The following ADGRE3 variants were observed in gnomAD, a reference collection of about 807,000 sequenced individuals.
The protein encoded by ADGRE3 is adhesion G protein-coupled receptor E3.
A neutral mutation model predicts 80.1 loss-of-function variants in ADGRE3; 88 were observed. The observed-to-expected ratio is 1.10, with a 90% CI of 0.93 to 1.31. The LOEUF (loss-of-function observed/expected upper bound fraction) is 1.31, where lower values mean the gene tolerates loss of function less well. Ranked by LOEUF, ADGRE3 falls within the 40% of genes most tolerant of loss-of-function variation. The pLI is 0.00. For missense variants in ADGRE3, 715 were observed against 776.5 expected, an observed-to-expected ratio of 0.92 and a Z score of 0.94; for synonymous variants, 281 against 294.8, an observed-to-expected ratio of 0.95 and a Z score of 0.48.
chr19:14,651,038 T>A (rs1343704813), intron 7 of ADGRE3, 47 bp downstream of exon 7: 2 of 1,607,720 alleles, frequency 1.2e-6, no homozygotes, highest in South Asian at 2.2e-5. Context: ...ACTCACACAA[T>A]GACATGGCTC....
intron 9 of ADGRE3, 72 bp downstream of exon 9, chr19:14,644,036 T>TA: frequency 1.2e-6 from 1 of 852,718 alleles, no homozygotes; most frequent in Non-Finnish European, 1.6e-6. Flanking sequence ...TTTTTTTTTT[T>TA]AATAGCACTT....
At chr19:14,663,653 A>G (rs1382875414) in intron 2 of ADGRE3, 113 bp from the exon 3 acceptor site, 4 of 1,271,294 alleles carry the variant, frequency 3.1e-6, no homozygotes, top group Non-Finnish European at 4.3e-6. Flanking sequence ...AGCCTGGCCA[A>G]CATACTGAAA....
intron 7 of ADGRE3, among the ~76,000 whole-genome samples, chr19:14,648,087 CAA>C (rs60371636): frequency 6.5e-5 from 7 of 108,350 alleles, no homozygotes; most frequent in Non-Finnish European, 5.4e-5. Flanking sequence ...ATCTCAAAGA[CAA>C]AAAAAAAAAA....
downstream of ADGRE3, among the ~76,000 whole-genome samples, chr19:14,618,173 A>G (rs895038092): frequency 6.6e-6 from 1 of 152,048 alleles, no homozygotes; most frequent in Non-Finnish European, 1.5e-5. Flanking sequence ...TTTGAAATAT[A>G]TCTACATCGT....
intron 15 of ADGRE3, among the ~76,000 whole-genome samples, chr19:14,625,061 C>T (rs1212132801): frequency 3.3e-5 from 5 of 152,134 alleles, no homozygotes; most frequent in African/African-American, 1.2e-4. Context: ...CTCACTGCAA[C>T]CTCCGCCTCT....
chr19:14,656,957 G>A lies in ADGRE3; in HGVS notation c.393+1556C>T, dbSNP rs189084317. Among the ~76,000 whole-genome samples, 6 of 152,136 alleles carry A rather than the reference G, an allele frequency of 3.9e-5. No individual in the cohort carries two copies. In the East Asian group the frequency reaches 5.8e-4, roughly 15 times the overall value. ...GTTGCCCAGGCTGGAGTGCAGTGAC[G>A]TGATCTCAGCTCACTGCAACCTCTG... On this transcript the variant is annotated intron_variant, in intron 5 of 15. Transcript: ENST00000253673.
intron 9 of ADGRE3, among the ~76,000 whole-genome samples, chr19:14,642,206 T>C (rs1388240914): frequency 6.6e-6 from 1 of 152,232 alleles, no homozygotes; most frequent in African/African-American, 2.4e-5. Flanking sequence ...CTGTGTATTT[T>C]ACCACAATCT....
chr19:14,666,807 C>T (rs1264284178), intron 2 of ADGRE3, among the ~76,000 whole-genome samples: 1 of 152,158 alleles, frequency 6.6e-6, no homozygotes, highest in East Asian at 1.9e-4. Flanking sequence ...TCTTTCCTAT[C>T]TCTTCCCTTC....
intron 9 of ADGRE3, among the ~76,000 whole-genome samples, chr19:14,642,951 C>T (rs975042639): frequency 2.6e-5 from 4 of 152,196 alleles, no homozygotes; most frequent in African/African-American, 9.6e-5. Context: ...TACCCAGTAA[C>T]AGGATTGCTG....
chr19:14,669,271 TGGA>T (rs1972188045), intron 1 of ADGRE3, among the ~76,000 whole-genome samples: 1 of 152,142 alleles, frequency 6.6e-6, no homozygotes. Context: ...GCAACATGGA[TGGA>T]GCTGGAGGAC....
chr19:14,650,075 GATCTCTCTCTCCCC>G (rs1159019552), intron 7 of ADGRE3, among the ~76,000 whole-genome samples: 1 of 90,688 alleles, frequency 1.1e-5, no homozygotes, highest in Admixed American at 1.2e-4. Flanking sequence ...TCTTGCTTTT[GATCTCTCTCTCCCC>G]ATCTCTCTCT....
chr19:14,615,463 G>C (rs1273049091), downstream of ADGRE3, among the ~76,000 whole-genome samples: 1 of 151,732 alleles, frequency 6.6e-6, no homozygotes, highest in Admixed American at 6.6e-5. Flanking sequence ...ATTTTTTTTA[G>C]AGAGACAGCA....
intron 13 of ADGRE3, 142 bp downstream of exon 13, chr19:14,632,779 G>T: frequency 1.8e-6 from 1 of 561,816 alleles, no homozygotes. Context: ...GCTAACTCAG[G>T]TTCTCATTAA....
intron 2 of ADGRE3, 88 bp downstream of exon 2, chr19:14,668,714 C>T: frequency 9.6e-7 from 1 of 1,043,412 alleles, no homozygotes; most frequent in Non-Finnish European, 1.5e-6. Context: ...TCAGAACAGG[C>T]ACTTTTCTCC....
intron 6 of ADGRE3, among the ~76,000 whole-genome samples, chr19:14,653,947 T>G (rs563987923): frequency 2.3e-4 from 12 of 52,362 alleles, no homozygotes; most frequent in Admixed American, 7.2e-4. Context: ...GTGTGTGTGT[T>G]TTTTTTTTTT....
chr19:14,634,889 T>C (rs901097420), intron 11 of ADGRE3, among the ~76,000 whole-genome samples: 21 of 152,020 alleles, frequency 1.4e-4, no homozygotes, highest in Non-Finnish European at 2.9e-4. Flanking sequence ...CTTGCTAAAC[T>C]CCATAACAAT....
At chr19:14,640,996 A>T (rs1971231924) in intron 10 of ADGRE3, among the ~76,000 whole-genome samples, 1 of 152,172 alleles carries the variant, frequency 6.6e-6, no homozygotes, top group African/African-American at 2.4e-5. Context: ...GCAGCCTGAA[A>T]ATGGAGTAAT....
chr19:14,637,222 A>C (rs879491477), intron 11 of ADGRE3, among the ~76,000 whole-genome samples: 7 of 152,158 alleles, frequency 4.6e-5, no homozygotes, highest in Non-Finnish European at 8.8e-5. Context: ...GAGTCACCAA[A>C]GAAGGCAGTT....
At chr19:14,671,275 C>T (rs1972249835) in intron 1 of ADGRE3, among the ~76,000 whole-genome samples, 1 of 152,172 alleles carries the variant, frequency 6.6e-6, no homozygotes, top group Non-Finnish European at 1.5e-5. Flanking sequence ...CCTCTATAGG[C>T]TAAAATCAAG....
Sources: gnomAD v4.1 joint callset for allele counts (sites outside exome capture counted in the v4.1 genomes callset) on GRCh38, gnomAD v4.1.1 for gene constraint, MANE v1.5 for transcripts, NCBI Gene and HGNC (gene_info 2026-07-23, HGNC 2026-07-21) for gene names.